NPAS3: variants seen among roughly 807,000 people sequenced by gnomAD.
The protein encoded by NPAS3 is neuronal PAS domain-containing protein 3.
A neutral mutation model predicts 73.1 loss-of-function variants in NPAS3; 14 were observed. The ratio of observed to expected loss-of-function variants is 0.19; its 90% CI spans 0.13 to 0.30. The LOEUF (loss-of-function observed/expected upper bound fraction) is 0.30, where lower values mean the gene tolerates loss of function less well. Among genes scored for constraint, NPAS3 ranks in the 10% least tolerant of loss-of-function variants. The pLI is 1.00. For synonymous variants in NPAS3, 620 were observed against 541.5 expected, an observed-to-expected ratio of 1.14 and a Z score of -2.01; for missense variants, 1,096 against 1,250.0, an observed-to-expected ratio of 0.88 and a Z score of 1.86.
intron 2 of NPAS3, among the ~76,000 whole-genome samples, chr14:33,075,116 C>T (rs915878727): frequency 6.6e-6 from 1 of 152,116 alleles, no homozygotes; most frequent in African/African-American, 2.4e-5. Flanking sequence ...TCAGCATCAA[C>T]CCAGTTTTTG....
chr14:32,982,317 C>A (rs182830311), intron 1 of NPAS3, among the ~76,000 whole-genome samples: 1 of 152,192 alleles, frequency 6.6e-6, no homozygotes, highest in African/African-American at 2.4e-5. Context: ...GGCCCCACCT[C>A]CCAACACTGT....
chr14:33,654,311 C>T (rs1314886968), intron 5 of NPAS3, among the ~76,000 whole-genome samples: 5 of 152,000 alleles, frequency 3.3e-5, no homozygotes, highest in Admixed American at 1.3e-4. Context: ...GAAATGGCTG[C>T]CCACTTATCA....
At chr14:33,712,052 T>C (rs548688529) in intron 6 of NPAS3, among the ~76,000 whole-genome samples, 4 of 152,300 alleles carry the variant, frequency 2.6e-5, no homozygotes, top group South Asian at 4.2e-4. Flanking sequence ...CACTATGGCA[T>C]GGTGAAAAGT....
intron 4 of NPAS3, among the ~76,000 whole-genome samples, chr14:33,488,665 G>A (rs2051734775): frequency 1.3e-5 from 2 of 152,258 alleles, no homozygotes; most frequent in African/African-American, 2.4e-5. Flanking sequence ...GTCCTATGAT[G>A]GGAATATTTG....
intron 4 of NPAS3, among the ~76,000 whole-genome samples, chr14:33,497,507 A>G (rs1463835371): frequency 6.6e-6 from 1 of 152,188 alleles, no homozygotes; most frequent in East Asian, 1.9e-4. Flanking sequence ...AGATATATAG[A>G]CCAATGGAAC....
chr14:32,959,433 C>G (rs1188948416), intron 1 of NPAS3, among the ~76,000 whole-genome samples: 23 of 152,200 alleles, frequency 1.5e-4, no homozygotes, highest in Non-Finnish European at 2.9e-5. Context: ...GACCTTGAGT[C>G]TAATGTTATT....
At chr14:33,576,132 T>A (rs2056424019) in intron 5 of NPAS3, among the ~76,000 whole-genome samples, 1 of 152,186 alleles carries the variant, frequency 6.6e-6, no homozygotes, top group African/African-American at 2.4e-5. Flanking sequence ...ATGCCATCCA[T>A]GTCTGTTTCC....
chr14:33,446,990 A>T (rs1195433623), intron 4 of NPAS3, among the ~76,000 whole-genome samples: 2 of 152,240 alleles, frequency 1.3e-5, no homozygotes, highest in Non-Finnish European at 2.9e-5. Flanking sequence ...TTTACCAAAT[A>T]GCAATATGCA....
At chr14:33,794,109 A>C in intron 10 of NPAS3, 65 bp downstream of exon 10, 5 of 1,407,576 alleles carry the variant, frequency 3.6e-6, no homozygotes, top group Non-Finnish European at 5.0e-6. Context: ...AAATATGGCT[A>C]TGGTTAATAG....
intron 2 of NPAS3, among the ~76,000 whole-genome samples, chr14:33,178,658 G>T (rs752339416): frequency 1.3e-5 from 2 of 152,014 alleles, no homozygotes; most frequent in Non-Finnish European, 2.9e-5. Context: ...CTGATTTTTT[G>T]TCTGTAGATC....
chr14:32,967,367 C>T (rs529864429), intron 1 of NPAS3, among the ~76,000 whole-genome samples: 20 of 152,264 alleles, frequency 1.3e-4, no homozygotes, highest in African/African-American at 4.1e-4. Flanking sequence ...TTCTCATCAA[C>T]TTGGGCTATT....
chr14:33,458,151 G>A (rs1413829813), intron 4 of NPAS3, among the ~76,000 whole-genome samples: 1 of 152,150 alleles, frequency 6.6e-6, no homozygotes, highest in Non-Finnish European at 1.5e-5. Context: ...CAAGAAAAGA[G>A]CATTTGCTCA....
At position 33,291,296 on chromosome 14, in the gene NPAS3, T is replaced by C. The variant is rs566314789; in HGVS notation, c.385+75870T>C. On this transcript the variant is annotated intron_variant, in intron 3 of 11. Transcript: ENST00000356141. The stretch of plus-strand genomic sequence containing the variant: ...TGGTGATAGCACAGATAGGTGGCCG[T>C]GCCTAACTTTCTATATCATGTTTTT... Among the ~76,000 whole-genome samples the C allele has an allele frequency of 3.3e-5, 5 of 152,240 alleles. No homozygotes were observed. The South Asian group carries it at 1.0e-3, about 32-fold the overall frequency.
chr14:33,670,371 C>A (rs1024601872), intron 5 of NPAS3, among the ~76,000 whole-genome samples: 4 of 151,932 alleles, frequency 2.6e-5, no homozygotes, highest in African/African-American at 9.7e-5. Flanking sequence ...TGTAACAGAC[C>A]GAATGCTTTT....
At chr14:33,093,741 T>C (rs1031342802) in intron 2 of NPAS3, among the ~76,000 whole-genome samples, 1 of 152,122 alleles carries the variant, frequency 6.6e-6, no homozygotes, top group African/African-American at 2.4e-5. Context: ...AGTGATAGAC[T>C]GGATTAAGAA....
intron 2 of NPAS3, among the ~76,000 whole-genome samples, chr14:33,175,566 T>G (rs2045557355): frequency 6.6e-6 from 1 of 152,186 alleles, no homozygotes; most frequent in Admixed American, 6.5e-5. Flanking sequence ...TAACAAGCAA[T>G]TAACTTTTTG....
chr14:33,049,015 TG>T (rs2040610839), intron 1 of NPAS3, among the ~76,000 whole-genome samples: 1 of 152,174 alleles, frequency 6.6e-6, no homozygotes, highest in Admixed American at 6.5e-5. Flanking sequence ...AAGCCAGTCT[TG>T]GGGCCACCCT....
chr14:33,363,261 G>T (rs556868019), intron 3 of NPAS3, among the ~76,000 whole-genome samples: 2 of 152,130 alleles, frequency 1.3e-5, no homozygotes, highest in Non-Finnish European at 2.9e-5. Flanking sequence ...AAGAAGGGTT[G>T]CCTTTTACTG....
At chr14:33,252,271 G>T (rs992552254) in intron 3 of NPAS3, among the ~76,000 whole-genome samples, 1 of 151,946 alleles carries the variant, frequency 6.6e-6, no homozygotes, top group Non-Finnish European at 1.5e-5. Context: ...TTTATTTCCT[G>T]TGAGTCTGCA....
Sources: allele counts gnomAD v4.1 joint callset (sites outside exome capture counted in the v4.1 genomes callset), GRCh38; gene constraint gnomAD v4.1.1; transcripts MANE v1.5; gene names NCBI Gene and HGNC (gene_info 2026-07-23, HGNC 2026-07-21).